The following CNTRL variants were observed in gnomAD, a reference collection of about 807,000 sequenced individuals.
The protein encoded by CNTRL is centriolin, also known as 110 kDa centrosomal protein.
In CNTRL, 233 loss-of-function variants were observed where a neutral mutation model predicts 303.7. The ratio of observed to expected loss-of-function variants is 0.77; its 90% CI spans 0.69 to 0.86. The LOEUF is 0.86. CNTRL is among the 40% of genes least tolerant of loss of function. The pLI is 0.00. For synonymous variants in CNTRL, 900 were observed against 922.2 expected, an observed-to-expected ratio of 0.98 and a Z score of 0.44; for missense variants, 2,524 against 2,650.6, an observed-to-expected ratio of 0.95 and a Z score of 1.05.
chr9:121,154,961 G>C (rs773786957), intron 27 of CNTRL, 48 bp downstream of exon 27: 2 of 1,475,916 alleles, frequency 1.4e-6, no homozygotes, highest in South Asian at 2.3e-5. Context: ...GGGTGAGTCA[G>C]CTTACTGTCC....
At chr9:121,119,907 T>G (rs928362403) in intron 12 of CNTRL, among the ~76,000 whole-genome samples, 1 of 152,208 alleles carries the variant, frequency 6.6e-6, no homozygotes, top group Non-Finnish European at 1.5e-5. Flanking sequence ...TTTTTCATAC[T>G]GTTTTGTTTT....
In CNTRL at chr9:121,175,225, G is replaced by A; in HGVS notation, c.6954+1G>A. ...GGACTCTCAACTTGGACAAAATCAG[G>A]TAAGCAGCAGCTCTTTTTAAAAACA... On this transcript the variant is annotated splice_donor_variant, in intron 43 of 43. Transcript: ENST00000373855. LOFTEE classifies it high-confidence loss of function. 1.2e-6 allele frequency: 2 copies of A among 1,613,554 alleles called. No homozygotes were observed. Among genetic ancestry groups the A allele is most frequent in the Non-Finnish European group, 1.7e-6 (2 of 1,179,612 alleles).
intron 26 of CNTRL, among the ~76,000 whole-genome samples, chr9:121,154,104 AATC>A (rs2052434758): frequency 6.6e-6 from 1 of 152,232 alleles, no homozygotes; most frequent in South Asian, 2.1e-4. Flanking sequence ...AGAAAGTAAA[AATC>A]ATATGTATGC....
At position 121,163,865 on chromosome 9, in the gene CNTRL, C is replaced by CTT. The variant is rs35289557; in HGVS notation, c.5424-1062_5424-1061dup. Among the ~76,000 whole-genome samples the CTT allele has an allele frequency of 1.4e-3, 192 of 138,156 alleles. 1 individual carries two copies. The highest frequency in any genetic ancestry group is 3.2e-3 in the East Asian group (15 of 4,736). The allele number at this position is 138,156 out of a possible 152,430, so 90.6% of individuals were successfully genotyped here. A position where few individuals can be genotyped will look rare whatever the true frequency, so the allele number is the denominator to read the frequency against. ...ACCAAATGTTAATATTAACCAGGAA[C>CTT]TTTTTTTTTTTTTTTTTGAGATGGA... is the stretch of plus-strand genomic sequence containing the variant. On this transcript the variant is annotated intron_variant, in intron 34 of 43. Coordinates refer to ENST00000373855, the MANE Select transcript of CNTRL (RefSeq NM_007018.6).
chr9:121,162,428 C>T, intron 34 of CNTRL, 157 bp downstream of exon 34: 10 of 636,532 alleles, frequency 1.6e-5, no homozygotes, highest in East Asian at 5.9e-5. Context: ...TGGAGAATTT[C>T]CTTCTAGCTT....
chr9:121,090,788 A>T (rs2048535521), intron 4 of CNTRL, among the ~76,000 whole-genome samples: 1 of 152,226 alleles, frequency 6.6e-6, no homozygotes, highest in Admixed American at 6.5e-5. Context: ...AAAGCCAAAA[A>T]CATTTACTAT....
intron 39 of CNTRL, among the ~76,000 whole-genome samples, chr9:121,170,244 A>G (rs962181519): frequency 6.6e-6 from 1 of 152,154 alleles, no homozygotes; most frequent in South Asian, 2.1e-4. Context: ...CCTGGGTTCA[A>G]GCGATTCTCA....
Position 121,168,289 on chromosome 9 carries a change from G to T in CNTRL, c.6038G>T (p.Cys2013Phe), listed in dbSNP as rs781400782. The change falls in exon 38 of 44, where the codon TGT (cysteine) becomes TTT (phenylalanine). Residue 2013 changes from cysteine (C) to phenylalanine (F), a missense_variant. Physicochemically the swap from Cys to Phe is radical, Grantham distance 205. Transcript: ENST00000373855. Reference protein sequence around the residue: ...VRTLQEEERWCESLEKTLSQT... With the variant: ...VRTLQEEERWFESLEKTLSQT... The stretch of plus-strand genomic sequence containing the variant: ...ACTCTGCAGGAAGAGGAGAGGTGGT[G>T]TGAGAGCCTGGAGAAGACACTCTCC... The T allele has an allele frequency of 3.1e-6, 5 of 1,614,184 alleles. No homozygotes were observed. Among genetic ancestry groups the T allele is most frequent in the Non-Finnish European group, 4.2e-6 (5 of 1,180,028 alleles).
At chr9:121,149,239 G>C (rs1161772623) in intron 24 of CNTRL, among the ~76,000 whole-genome samples, 2 of 152,154 alleles carry the variant, frequency 1.3e-5, no homozygotes, top group African/African-American at 2.4e-5. Flanking sequence ...AGTGTTACGG[G>C]TCTGTCTTCC....
chr9:121,168,002 C>T, intron 37 of CNTRL, 94 bp from the exon 38 acceptor site: 2 of 1,096,770 alleles, frequency 1.8e-6, no homozygotes, highest in Admixed American at 4.5e-5. Context: ...CTGTCTTCTA[C>T]TTTCTTTTGA....
intron 38 of CNTRL, 81 bp from the exon 39 acceptor site, chr9:121,169,530 C>T (rs1588333999): frequency 7.6e-7 from 1 of 1,318,172 alleles, no homozygotes; most frequent in East Asian, 2.3e-5. Context: ...CACCATTATG[C>T]ATCTGCCACA....
rs149189869 is a variant in CNTRL, at chr9:121,168,135, A to G, written c.5884A>G (p.Ser1962Gly). 4 of 1,613,734 alleles carry G rather than the reference A, an allele frequency of 2.5e-6. No individual in the cohort carries two copies. The African/African-American group carries it at 5.3e-5, about 22-fold the overall frequency. Reference protein sequence around the residue: ...RLQKERESEESKLETSKVTLK... With the variant: ...RLQKERESEEGKLETSKVTLK... ...CCAGAAAGAGAGAGAAAGTGAAGAA[A>G]GCAAATTAGAAACCAGTAAAGTGAC... Residue 1962 changes from serine (S) to glycine (G), a missense_variant, in exon 38 of 44, where the codon AGC (serine) becomes GGC (glycine). Coordinates refer to ENST00000373855, the MANE Select transcript of CNTRL (RefSeq NM_007018.6).
rs932846819 is a variant in CNTRL, at chr9:121,148,788, A to C, written c.3576A>C (p.Gln1192His). Residue 1192 changes from glutamine to histidine, a missense_variant, in exon 24 of 44, where the codon CAA becomes CAC. Coordinates refer to ENST00000373855, the MANE Select transcript of CNTRL (RefSeq NM_007018.6). ...AGCAGGATGGGAAGGAAGGCAGTCA[A>C]CCTCCCCCTGCCTCAGGATACTGGG... ...PGQQDGKEGSQPPPASGYWVY... is the reference protein window; with the variant it reads ...PGQQDGKEGSHPPPASGYWVY... 2 of 1,613,554 alleles carry C rather than the reference A, an allele frequency of 1.2e-6. No individual in the cohort carries two copies. The highest frequency in any genetic ancestry group is 1.7e-6 in the Non-Finnish European group (2 of 1,179,876).
chr9:121,107,900 C>A lies in CNTRL; in HGVS notation c.907C>A (p.Gln303Lys), dbSNP rs2049555410. 3 of 1,610,358 alleles carry A rather than the reference C, an allele frequency of 1.9e-6. No individual in the cohort carries two copies. Among genetic ancestry groups the A allele is most frequent in the African/African-American group, 2.7e-5 (2 of 74,672 alleles). Residue 303 changes from glutamine (Q) to lysine (K), a missense_variant, in exon 8 of 44, where the codon CAA (glutamine) becomes AAA (lysine). By Grantham distance (53) the Gln-to-Lys change is moderately conservative (BLOSUM62 1). Transcript: ENST00000373855. ...AAGGTTCCTTGAGGAAATTAAAAATCAAGATAAATTGAATAAATCATTAAA... is the reference window on the plus strand; with the variant it reads ...AAGGTTCCTTGAGGAAATTAAAAATAAAGATAAATTGAATAAATCATTAAA... ...QTRFLEEIKN[Q>K]DKLNKSLKEE...
intron 2 of CNTRL, among the ~76,000 whole-genome samples, chr9:121,086,855 G>A (rs1192418108): frequency 3.3e-5 from 5 of 152,094 alleles, no homozygotes; most frequent in Admixed American, 2.0e-4. Context: ...GTTTTGCCAT[G>A]TTGGCCAGGC....
intron 6 of CNTRL, among the ~76,000 whole-genome samples, chr9:121,097,013 A>G (rs2048921623): frequency 6.6e-6 from 1 of 150,984 alleles, no homozygotes; most frequent in South Asian, 2.1e-4. Flanking sequence ...CAAATTTACC[A>G]GTTTATTTTG....
chr9:121,110,235 GT>G (rs2049686637), intron 8 of CNTRL, among the ~76,000 whole-genome samples: 1 of 152,060 alleles, frequency 6.6e-6, no homozygotes, highest in Admixed American at 6.6e-5. Context: ...CTGTGCTTCA[GT>G]TTAGTTATAT....
rs553895476 is a variant in CNTRL, at chr9:121,133,318, T to C, written c.2026-2488T>C. On this transcript the variant is annotated intron_variant, in intron 14 of 43. Transcript: ENST00000373855. Reference sequence around the variant, plus strand: ...CTCCGCCCAGTTCGAGCTTCCTGGCTGCTGTGTTTACCTACTCAAGCCTCA... The same window carrying C: ...CTCCGCCCAGTTCGAGCTTCCTGGCCGCTGTGTTTACCTACTCAAGCCTCA... Among the ~76,000 whole-genome samples the C allele has an allele frequency of 2.5e-3, 388 of 152,360 alleles. 7 individuals carry two copies. Among genetic ancestry groups the C allele is most frequent in the Non-Finnish European group, 1.2e-3 (82 of 68,030 alleles).
intron 36 of CNTRL, among the ~76,000 whole-genome samples, 183 bp from the exon 37 acceptor site, chr9:121,167,306 C>A (rs1308217466): frequency 1.1e-4 from 17 of 149,026 alleles, no homozygotes; most frequent in South Asian, 2.1e-4. Flanking sequence ...GCAAGACTGT[C>A]AAAAAAAAAA....
Sources: gnomAD v4.1 joint callset for allele counts (sites outside exome capture counted in the v4.1 genomes callset) on GRCh38, gnomAD v4.1.1 for gene constraint, MANE v1.5 for transcripts, NCBI Gene and HGNC (gene_info 2026-07-23, HGNC 2026-07-21) for gene names.